Variants in RALB observed in about 807,000 individuals in gnomAD.
RALB encodes the protein RAS like proto-oncogene B.
Under a neutral mutation model 21.3 loss-of-function variants are expected in RALB, and 16 were observed. The observed-to-expected ratio is 0.75, with a 90% CI of 0.51 to 1.14. The LOEUF (loss-of-function observed/expected upper bound fraction) is 1.14. Ranked by LOEUF, RALB falls within the 50% of genes most tolerant of loss-of-function variation. The probability of loss-of-function intolerance (pLI) is 0.00; values close to 1 mark genes in which losing one functional copy is unlikely to be tolerated. For missense variants in RALB, 161 were observed against 256.2 expected (o/e 0.63, Z 2.54); for synonymous variants, 93 against 96.1 (o/e 0.97, Z 0.19).
chr2:120,270,761 T>A (rs142756390), intron 1 of RALB, among the ~76,000 whole-genome samples: 1,702 of 152,336 alleles, frequency 0.011, 33 homozygotes, highest in African/African-American at 0.039. Flanking sequence ...TCCTTCTCCC[T>A]TGTTTATTTA....
intron 1 of RALB, among the ~76,000 whole-genome samples, chr2:120,268,789 C>T (rs764113498): frequency 3.3e-5 from 5 of 151,782 alleles, no homozygotes; most frequent in East Asian, 3.9e-4. Context: ...AAGAAGAGGC[C>T]GAGGCAAGTT....
At chr2:120,240,130 G>A in intron 1 of RALB, 2 of 1,289,728 alleles carry the variant, frequency 1.6e-6, no homozygotes, top group Non-Finnish European at 2.0e-6. Flanking sequence ...AGTCAGGTGG[G>A]TGCCCGCCCT....
At chr2:120,243,091 G>A (rs1233072196) in intron 1 of RALB, among the ~76,000 whole-genome samples, 2 of 152,154 alleles carry the variant, frequency 1.3e-5, no homozygotes, top group Non-Finnish European at 2.9e-5. Flanking sequence ...GCCTTTTCTC[G>A]CCCAAGGCTT....
upstream of RALB, chr2:120,252,846 G>C (rs1257840445): frequency 5.1e-6 from 5 of 985,532 alleles, no homozygotes; most frequent in Non-Finnish European, 6.0e-6. Flanking sequence ...CGCGCTCGGG[G>C]GGTGGGAAAG....
chr2:120,252,915 G>C lies in RALB; in HGVS notation c.-113G>C. 3 of 985,518 alleles carry C rather than the reference G, an allele frequency of 3.0e-6. No individual in the cohort carries two copies. The highest frequency in any genetic ancestry group is 3.6e-6 in the Non-Finnish European group (3 of 830,082). The allele number at this position is 985,518 out of a possible 1,614,324, so 61.0% of individuals were successfully genotyped here. A position where few individuals can be genotyped will look rare whatever the true frequency, so the allele number is the denominator to read the frequency against. Reference sequence around the variant, plus strand: ...GACGGCTGGGGTCCGGCCCCGGGAGGGGGCGGGGCGCGTTTAAGAGCTGCG... The same window carrying C: ...GACGGCTGGGGTCCGGCCCCGGGAGCGGGCGGGGCGCGTTTAAGAGCTGCG... On this transcript the variant is annotated 5_prime_UTR_variant, in exon 1 of 5. Transcript: ENST00000272519.
intron 1 of RALB, among the ~76,000 whole-genome samples, chr2:120,265,743 T>TC (rs1689486148): frequency 6.6e-6 from 1 of 151,744 alleles, no homozygotes; most frequent in Non-Finnish European, 1.5e-5. Context: ...CAAACTCTGT[T>TC]TGAGTGTATG....
At chr2:120,279,974 G>A (rs187514777) in intron 2 of RALB, among the ~76,000 whole-genome samples, 33 of 152,250 alleles carry the variant, frequency 2.2e-4, no homozygotes, top group African/African-American at 7.2e-4. Context: ...TTGGAGTCAC[G>A]CGGCATGTGG....
At chr2:120,284,783 G>A (rs986685407) in intron 2 of RALB, among the ~76,000 whole-genome samples, 14 of 151,966 alleles carry the variant, frequency 9.2e-5, no homozygotes, top group Non-Finnish European at 1.5e-4. Context: ...GTCATTCCCC[G>A]TTATTGCTTC....
chr2:120,292,212 G>A (rs1436034767), intron 4 of RALB, among the ~76,000 whole-genome samples: 1 of 152,188 alleles, frequency 6.6e-6, no homozygotes, highest in African/African-American at 2.4e-5. Context: ...ACATCACAAG[G>A]GTCGGAGGAG....
At chr2:120,278,573 G>A in intron 1 of RALB, 45 bp from the exon 2 acceptor site, 1 of 1,386,454 alleles carries the variant, frequency 7.2e-7, no homozygotes, top group Admixed American at 3.1e-5. Context: ...TTTTAGCTAG[G>A]TTGAAAGCAA....
intron 1 of RALB, among the ~76,000 whole-genome samples, chr2:120,243,310 G>A (rs1688922561): frequency 6.6e-6 from 1 of 152,244 alleles, no homozygotes; most frequent in Non-Finnish European, 1.5e-5. Context: ...TCTTAGAGGA[G>A]GAAGTGGGAG....
At chr2:120,250,855 G>T (rs1424886916), upstream of RALB, among the ~76,000 whole-genome samples, 2 of 152,110 alleles carry the variant, frequency 1.3e-5, no homozygotes, top group East Asian at 1.9e-4. Context: ...CCGCCAAAAG[G>T]GTCCTGCCAC....
chr2:120,293,305 G>T lies in RALB; in HGVS notation c.*45G>T. 1 of 1,554,140 alleles carries T rather than the reference G, an allele frequency of 6.4e-7. No homozygotes were observed. Among genetic ancestry groups the T allele is most frequent in the South Asian group, 1.2e-5 (1 of 82,156 alleles). ...AGCCAGCTGCTCCTAAGGACACAGG[G>T]CTGGGTTGGTAAAGAGAAGGCTATG... On this transcript the variant is annotated 3_prime_UTR_variant, in exon 5 of 5. Coordinates refer to ENST00000272519, the MANE Select transcript of RALB (RefSeq NM_002881.3).
chr2:120,284,768 T>C (rs1690084866), intron 2 of RALB, among the ~76,000 whole-genome samples: 1 of 152,034 alleles, frequency 6.6e-6, no homozygotes, highest in African/African-American at 2.4e-5. Flanking sequence ...ACCTACGTAT[T>C]AGTAGTCATT....
chr2:120,266,134 C>A (rs879277488), intron 1 of RALB, among the ~76,000 whole-genome samples: 1 of 152,200 alleles, frequency 6.6e-6, no homozygotes, highest in Non-Finnish European at 1.5e-5. Flanking sequence ...AGAGCTTACT[C>A]GTCTGCACAG....
chr2:120,267,948 T>G (rs945802883), intron 1 of RALB, among the ~76,000 whole-genome samples: 1 of 152,006 alleles, frequency 6.6e-6, no homozygotes, highest in African/African-American at 2.4e-5. Context: ...CGAGCCACCA[T>G]GCCCAGCTAA....
intron 1 of RALB, among the ~76,000 whole-genome samples, chr2:120,262,963 A>G (rs1689404595): frequency 6.6e-6 from 1 of 152,078 alleles, no homozygotes; most frequent in Non-Finnish European, 1.5e-5. Flanking sequence ...AGTGAGTGGG[A>G]GTGACTTGCC....
chr2:120,269,605 G>A (rs1177174539), intron 1 of RALB, among the ~76,000 whole-genome samples: 3 of 152,172 alleles, frequency 2.0e-5, no homozygotes, highest in South Asian at 2.1e-4. Flanking sequence ...TGATTGGTGC[G>A]TTTTACAATC....
At chr2:120,269,651 C>G (rs182884400) in intron 1 of RALB, among the ~76,000 whole-genome samples, 1 of 152,316 alleles carries the variant, frequency 6.6e-6, no homozygotes, top group Non-Finnish European at 1.5e-5. Flanking sequence ...ATTTTACAAT[C>G]CTCTTGTAAG....
Sources: allele counts gnomAD v4.1 joint callset (sites outside exome capture counted in the v4.1 genomes callset), GRCh38; gene constraint gnomAD v4.1.1; transcripts MANE v1.5; gene names NCBI Gene and HGNC (gene_info 2026-07-23, HGNC 2026-07-21).